MYO5A: variants seen among roughly 807,000 people sequenced by gnomAD.
MYO5A encodes the protein unconventional myosin-Va.
Under a neutral mutation model 249.7 loss-of-function variants are expected in MYO5A, and 98 were observed. That is an observed-to-expected ratio of 0.39 (90% CI 0.33 to 0.46). The LOEUF (loss-of-function observed/expected upper bound fraction) is 0.46. MYO5A is among the 20% of genes least tolerant of loss of function. MYO5A has a pLI of 0.98. For missense variants in MYO5A, 1,696 were observed against 2,308.8 expected, an observed-to-expected ratio of 0.73 and a Z score of 5.44; for synonymous variants, 778 against 810.6, an observed-to-expected ratio of 0.96 and a Z score of 0.68.
chr15:52,478,104 C>T (rs1027020670), intron 1 of MYO5A, among the ~76,000 whole-genome samples: 1 of 152,222 alleles, frequency 6.6e-6, no homozygotes, highest in African/African-American at 2.4e-5. Context: ...CTCAAGCCTC[C>T]GCAATGGCGG....
chr15:52,384,283 C>T lies in MYO5A; in HGVS notation c.1792G>A (p.Ala598Thr), dbSNP rs749812335. The T allele has an allele frequency of 1.5e-5, 24 of 1,614,018 alleles. No homozygotes were observed. The highest frequency in any genetic ancestry group is 1.6e-4 in the Middle Eastern group (1 of 6,084). The change falls in exon 15 of 42, where the codon GCC (alanine) becomes ACC (threonine). Residue 598 changes from alanine to threonine, a missense_variant. Coordinates refer to ENST00000399233, the MANE Select transcript of MYO5A (RefSeq NM_001382347.1). ...GAGGTGGCTGAAGTTGGACTGATGGCCTTCTCATCATCTTGAAATAGTTCT... is the reference window on the plus strand; with the variant it reads ...GAGGTGGCTGAAGTTGGACTGATGGTCTTCTCATCATCTTGAAATAGTTCT... ...LPELFQDDEK[A>T]ISPTSATSSG...
intron 4 of MYO5A, among the ~76,000 whole-genome samples, chr15:52,419,289 C>T (rs754098853): frequency 2.2e-4 from 34 of 152,124 alleles, no homozygotes; most frequent in African/African-American, 5.8e-4. Context: ...TCCCTTTATC[C>T]GATCCCTTGT....
chr15:52,370,378 G>C lies in MYO5A; in HGVS notation c.2857C>G (p.Leu953Val). The change falls in exon 22 of 42, where the codon CTG becomes GTG. Residue 953 changes from leucine (L) to valine (V), a missense_variant. By Grantham distance (32) the Leu-to-Val change is conservative (BLOSUM62 1). Transcript: ENST00000399233. ...YKCLVEKLTN[L>V]EGIYNSETEK... ...GTCTCAGAGTTGTATATTCCTTCCA[G>C]ATTGGTTAGTTTCTCCACAAGGCAT... is the stretch of plus-strand genomic sequence containing the variant. 2.5e-6 allele frequency: 4 copies of C among 1,613,828 alleles called. No homozygotes were observed. The highest frequency in any genetic ancestry group is 3.4e-6 in the Non-Finnish European group (4 of 1,179,726).
intron 1 of MYO5A, among the ~76,000 whole-genome samples, chr15:52,459,968 G>A (rs1247306202): frequency 1.3e-5 from 2 of 152,094 alleles, no homozygotes; most frequent in East Asian, 3.9e-4. Flanking sequence ...CCTCCCAGAC[G>A]GGGTGGCGGC....
At chr15:52,435,749 TA>T (rs1328019576) in intron 1 of MYO5A, 1 of 425,758 alleles carries the variant, frequency 2.3e-6, no homozygotes, top group Non-Finnish European at 4.6e-6. Flanking sequence ...CAAGTAAGAT[TA>T]TAAAACCATT....
intron 1 of MYO5A, among the ~76,000 whole-genome samples, chr15:52,443,256 CT>C (rs1167624497): frequency 6.6e-5 from 10 of 152,108 alleles, no homozygotes; most frequent in African/African-American, 2.4e-4. Context: ...AGAATGAAGG[CT>C]CTACCAAAAA....
In MYO5A at chr15:52,391,413, T is replaced by C. The variant is rs184598798; in HGVS notation, c.1542+517A>G. ...TTACTGCATATAAACTAAAGAGAAA[T>C]AAAGCGAAAGAATAGGTTTGCCTAC... On this transcript the variant is annotated intron_variant, in intron 12 of 41. Coordinates refer to ENST00000399233, the MANE Select transcript of MYO5A (RefSeq NM_001382347.1). Among the ~76,000 whole-genome samples the C allele has an allele frequency of 1.1e-4, 17 of 152,222 alleles. No individual in the cohort carries two copies. In the South Asian group the frequency reaches 1.5e-3, roughly 13 times the overall value.
chr15:52,447,781 G>T (rs2075923763), intron 1 of MYO5A, among the ~76,000 whole-genome samples: 1 of 152,228 alleles, frequency 6.6e-6, no homozygotes, highest in Non-Finnish European at 1.5e-5. Flanking sequence ...GAGACTGATG[G>T]CATTGTGCCC....
At chr15:52,358,445 A>G (rs918730505) in intron 25 of MYO5A, among the ~76,000 whole-genome samples, 3 of 152,216 alleles carry the variant, frequency 2.0e-5, no homozygotes, top group African/African-American at 4.8e-5. Flanking sequence ...GATGGCACCA[A>G]TGATTCTTCT....
At chr15:52,454,559 T>C (rs1270690422) in intron 1 of MYO5A, among the ~76,000 whole-genome samples, 1 of 152,134 alleles carries the variant, frequency 6.6e-6, no homozygotes, top group Non-Finnish European at 1.5e-5. Flanking sequence ...ACACATTCTT[T>C]TCATCAGCAC....
chr15:52,355,700 T>A (rs1242890893), intron 25 of MYO5A, among the ~76,000 whole-genome samples: 1 of 152,226 alleles, frequency 6.6e-6, no homozygotes, highest in African/African-American at 2.4e-5. Flanking sequence ...TTTACATAGC[T>A]TGTCTTAGGT....
intron 4 of MYO5A, among the ~76,000 whole-genome samples, chr15:52,420,344 C>CT (rs1340316568): frequency 6.6e-6 from 1 of 150,852 alleles, no homozygotes; most frequent in African/African-American, 2.4e-5. Flanking sequence ...CGTGAGGGCT[C>CT]TGCCCTCATG....
At chr15:52,383,811 A>C (rs2041861582) in intron 15 of MYO5A, among the ~76,000 whole-genome samples, 1 of 152,232 alleles carries the variant, frequency 6.6e-6, no homozygotes, top group South Asian at 2.1e-4. Flanking sequence ...AGAGAACATA[A>C]GACATCAAAG....
chr15:52,372,955 GA>G, intron 20 of MYO5A, among the ~76,000 whole-genome samples: 1 of 143,994 alleles, frequency 6.9e-6, no homozygotes, highest in South Asian at 2.2e-4. Flanking sequence ...CTGATTTATT[GA>G]TTTTTTTTTT....
intron 14 of MYO5A, 49 bp from the exon 15 acceptor site, chr15:52,384,371 C>T (rs776650239): frequency 1.2e-5 from 19 of 1,559,148 alleles, no homozygotes; most frequent in East Asian, 2.2e-5. Flanking sequence ...CAAACTTGAA[C>T]GCAAACCTTC....
chr15:52,366,470 T>C (rs1186033459), intron 23 of MYO5A, among the ~76,000 whole-genome samples: 1 of 152,050 alleles, frequency 6.6e-6, no homozygotes, highest in Non-Finnish European at 1.5e-5. Context: ...CATATTTATA[T>C]ATATGTGGAT....
chr15:52,314,013 G>T (rs1216087735), intron 41 of MYO5A, 110 bp downstream of exon 41: 21 of 1,281,416 alleles, frequency 1.6e-5, no homozygotes, highest in African/African-American at 3.0e-5. Flanking sequence ...AAAAGTTAGT[G>T]CATTGTAAAA....
intron 11 of MYO5A, among the ~76,000 whole-genome samples, chr15:52,395,552 T>C (rs565556235): frequency 6.6e-6 from 1 of 152,334 alleles, no homozygotes; most frequent in East Asian, 1.9e-4. Flanking sequence ...GAACTGTGCC[T>C]GGCACATTAT....
Position 52,379,495 on chromosome 15 carries a change from T to A in MYO5A, c.2208+130A>T, listed in dbSNP as rs1161401960. The A allele has an allele frequency of 1.0e-5, 8 of 779,302 alleles. No homozygotes were observed. In the African/African-American group the frequency reaches 1.2e-4, roughly 12 times the overall value. 48.3% of individuals were successfully genotyped at this position (779,302 alleles called of 1,614,324 possible). A position where few individuals can be genotyped will look rare whatever the true frequency, so the allele number is the denominator to read the frequency against. ...AGTTCCAGCATCCTAAACACAGTAGTGTGCCCCTCTCTGATCCCACCCCGA... is the reference window on the plus strand; with the variant it reads ...AGTTCCAGCATCCTAAACACAGTAGAGTGCCCCTCTCTGATCCCACCCCGA... On this transcript the variant is annotated intron_variant, in intron 18 of 41. Coordinates refer to ENST00000399233, the MANE Select transcript of MYO5A (RefSeq NM_001382347.1).
Sources: gnomAD v4.1 joint callset for allele counts (sites outside exome capture counted in the v4.1 genomes callset) on GRCh38, gnomAD v4.1.1 for gene constraint, MANE v1.5 for transcripts, NCBI Gene and HGNC (gene_info 2026-07-23, HGNC 2026-07-21) for gene names.